PPIL2: variants seen among roughly 807,000 people sequenced by gnomAD.
PPIL2 encodes peptidylprolyl isomerase like 2.
PPIL2 carries 50 observed loss-of-function variants against 75.2 expected under a neutral mutation model. The ratio of observed to expected loss-of-function variants is 0.66; its 90% confidence interval spans 0.53 to 0.84. PPIL2 has a LOEUF of 0.84. PPIL2 is among the 40% of genes least tolerant of loss of function. The pLI is 0.00. For synonymous variants in PPIL2, 245 were observed against 258.8 expected (o/e 0.95, Z 0.51); for missense variants, 590 against 685.0 (o/e 0.86, Z 1.55).
intron 15 of PPIL2, among the ~76,000 whole-genome samples, chr22:21,691,596 C>T (rs1174625444): frequency 2.6e-5 from 4 of 151,856 alleles, no homozygotes; most frequent in African/African-American, 7.3e-5. Context: ...AGGAGAATGG[C>T]GTGAACCCAG....
At chr22:21,676,003 G>A (rs1170734384) in intron 6 of PPIL2, among the ~76,000 whole-genome samples, 3 of 152,240 alleles carry the variant, frequency 2.0e-5, no homozygotes, top group Non-Finnish European at 4.4e-5. Context: ...TGCCTGTGGA[G>A]ATGCTATGGC....
chr22:21,695,740 G>A lies in PPIL2; in HGVS notation c.*250G>A. On this transcript the variant is annotated 3_prime_UTR_variant, in exon 20 of 20. Transcript: ENST00000398831. The stretch of plus-strand genomic sequence containing the variant: ...CCACTGCTGGGACCTTCAAGCACAA[G>A]GCCTGCCCTACACCCAGGCTGGTGC... The A allele has an allele frequency of 7.6e-7, 1 of 1,321,570 alleles. No homozygotes were observed. The highest frequency in any genetic ancestry group is 9.7e-7 in the Non-Finnish European group (1 of 1,027,978). 81.9% of individuals were successfully genotyped at this position (1,321,570 alleles called of 1,614,324 possible).
intron 14 of PPIL2, among the ~76,000 whole-genome samples, 185 bp from the exon 15 acceptor site, chr22:21,688,547 T>C (rs1380998417): frequency 2.0e-5 from 3 of 152,180 alleles, no homozygotes; most frequent in Non-Finnish European, 4.4e-5. Flanking sequence ...GCCTGCCTGT[T>C]TGGAGGCGTG....
At chr22:21,693,037 C>G (rs2067748171) in intron 15 of PPIL2, among the ~76,000 whole-genome samples, 1 of 151,710 alleles carries the variant, frequency 6.6e-6, no homozygotes, top group Non-Finnish European at 1.5e-5. Context: ...TGTTTTAATT[C>G]CACCCCATTT....
rs2068000187 is a variant in PPIL2, at chr22:21,697,887, A to AAT, written c.*2398_*2399dup. ...AACGACCTGATGAGGGCATCAGGTAAATTAAAGGATTTTGGGAAGATTCTT... is the reference window on the plus strand; with the variant it reads ...AACGACCTGATGAGGGCATCAGGTAAATATTAAAGGATTTTGGGAAGATTCTT... On this transcript the variant is annotated 3_prime_UTR_variant, in exon 20 of 20. Coordinates refer to ENST00000398831, the MANE Select transcript of PPIL2 (RefSeq NM_014337.4). 1 of 152,278 alleles carries AAT rather than the reference A, an allele frequency of 6.6e-6. No individual in the cohort carries two copies. The highest frequency in any genetic ancestry group is 2.4e-5 in the African/African-American group (1 of 41,378). 9.4% of individuals were successfully genotyped at this position (152,278 alleles called of 1,614,324 possible). A position where few individuals can be genotyped will look rare whatever the true frequency, so the allele number is the denominator to read the frequency against.
Position 21,686,194 on chromosome 22 carries a change from G to A in PPIL2, c.715-289G>A, listed in dbSNP as rs192539607. Among the ~76,000 whole-genome samples, 158 of 152,240 alleles carry A rather than the reference G, an allele frequency of 1.0e-3. 1 individual carries two copies. The highest frequency in any genetic ancestry group is 3.7e-3 in the African/African-American group (153 of 41,542). ...AAATTAAAATAAAAATAAATGAGAA[G>A]TCAGCCATACACTCCTAACCCTGAG... On this transcript the variant is annotated intron_variant, in intron 10 of 19. Transcript: ENST00000398831.
intron 11 of PPIL2, 138 bp downstream of exon 11, chr22:21,686,696 C>A (rs1255060993): frequency 1.9e-6 from 2 of 1,060,354 alleles, no homozygotes; most frequent in African/African-American, 3.1e-5. Flanking sequence ...CCCCTCTTAG[C>A]TGCTGAACCC....
Position 21,694,657 on chromosome 22 carries a change from C to A in PPIL2, c.1261C>A (p.Arg421Ser), listed in dbSNP as rs200704017. 19 of 1,613,988 alleles carry A rather than the reference C, an allele frequency of 1.2e-5. No individual in the cohort carries two copies. Among genetic ancestry groups the A allele is most frequent in the Non-Finnish European group, 1.4e-5 (16 of 1,180,036 alleles). ...TGTGGAGAGTGACCCCAAAACTGAC[C>A]GCCCTAAGGTCTGTGCCCAGGGAGG... ...ENVESDPKTD[R>S]PKEEIRIDAT... The change falls in exon 17 of 20, where the codon CGC (arginine) becomes AGC (serine). Residue 421 changes from arginine to serine, a missense_variant. Coordinates refer to ENST00000398831, the MANE Select transcript of PPIL2 (RefSeq NM_014337.4).
chr22:21,686,822 C>T (rs1331365968), intron 11 of PPIL2, 70 bp from the exon 12 acceptor site: 20 of 1,431,234 alleles, frequency 1.4e-5, no homozygotes, highest in Middle Eastern at 2.0e-4. Context: ...TGTCTGAGGT[C>T]GGTGCTGCCT....
chr22:21,684,218 C>G (rs952677696), intron 9 of PPIL2, among the ~76,000 whole-genome samples: 22 of 142,454 alleles, frequency 1.5e-4, no homozygotes, highest in African/African-American at 5.8e-4. Flanking sequence ...AAAGGCTGGG[C>G]GCGGTGGGTC....
intron 19 of PPIL2, 156 bp from the exon 20 acceptor site, chr22:21,695,238 G>T: frequency 1.5e-6 from 2 of 1,324,682 alleles, no homozygotes; most frequent in Non-Finnish European, 2.0e-6. Flanking sequence ...AGGCCTGGCC[G>T]GGGCCTCTGT....
Position 21,682,432 on chromosome 22 carries a change from T to G in PPIL2, c.388-5T>G. ...CATCGTAAAACCACTTCCTCCTGGCTATAGGCAGTGGAACAGCTAAATATC... is the reference window on the plus strand; with the variant it reads ...CATCGTAAAACCACTTCCTCCTGGCGATAGGCAGTGGAACAGCTAAATATC... On this transcript the variant is annotated splice_polypyrimidine_tract_variant and splice_region_variant and intron_variant, in intron 7 of 19. Transcript: ENST00000398831. 1 of 1,612,954 alleles carries G rather than the reference T, an allele frequency of 6.2e-7. No individual in the cohort carries two copies. The highest frequency in any genetic ancestry group is 2.2e-5 in the East Asian group (1 of 44,882).
intron 9 of PPIL2, 26 bp from the exon 10 acceptor site, chr22:21,684,727 C>T: frequency 6.2e-7 from 1 of 1,611,788 alleles, no homozygotes; most frequent in Admixed American, 1.7e-5. Context: ...GGCTCGGCGG[C>T]TCAGGGCCAT....
intron 6 of PPIL2, among the ~76,000 whole-genome samples, chr22:21,680,829 CAAAA>C (rs762340467): frequency 2.8e-4 from 14 of 50,818 alleles, no homozygotes; most frequent in Non-Finnish European, 4.4e-4. Context: ...GACTCCATCT[CAAAA>C]AAAAAAAAAA....
chr22:21,675,012 G>A (rs1311516263), intron 5 of PPIL2, 52 bp from the exon 6 acceptor site: 15 of 1,485,816 alleles, frequency 1.0e-5, no homozygotes, highest in East Asian at 2.3e-5. Context: ...TAGCATCTCT[G>A]TGCATCAGTT....
chr22:21,676,507 C>G (rs919297450), intron 6 of PPIL2, among the ~76,000 whole-genome samples: 2 of 151,574 alleles, frequency 1.3e-5, no homozygotes, highest in African/African-American at 2.4e-5. Flanking sequence ...GAGGACCCTG[C>G]GGCCTTCTGC....
intron 13 of PPIL2, 58 bp downstream of exon 13, chr22:21,687,790 G>C (rs741617): frequency 1.4e-5 from 21 of 1,531,930 alleles, no homozygotes; most frequent in Non-Finnish European, 1.8e-5. Context: ...CGGGGGCTGG[G>C]TGGGCTTGTC....
rs767491768 is a variant in PPIL2 at position 21,682,383 on chromosome 22, C to G, written c.388-54C>G. ...GCTCCAGGCCTCCCTGCTTGCAGTC[C>G]CCTGTGCCAAGGCTTGGGGCAGGCA... is the stretch of plus-strand genomic sequence containing the variant. On this transcript the variant is annotated intron_variant, in intron 7 of 19. Coordinates refer to ENST00000398831, the MANE Select transcript of PPIL2 (RefSeq NM_014337.4). 12 of 1,495,150 alleles carry G rather than the reference C, an allele frequency of 8.0e-6. No individual in the cohort carries two copies. The Admixed American group carries it at 1.3e-4, about 17-fold the overall frequency. 92.6% of individuals were successfully genotyped at this position (1,495,150 alleles called of 1,614,324 possible).
intron 1 of PPIL2, 110 bp from the exon 2 acceptor site, chr22:21,669,802 TA>T: frequency 1.7e-6 from 2 of 1,152,292 alleles, no homozygotes; most frequent in Non-Finnish European, 2.6e-6. Context: ...GCCCGCCCCA[TA>T]GTAGGTATTT....
Sources: gnomAD v4.1 joint callset for allele counts (sites outside exome capture counted in the v4.1 genomes callset) on GRCh38, gnomAD v4.1.1 for gene constraint, MANE v1.5 for transcripts, NCBI Gene and HGNC (gene_info 2026-07-23, HGNC 2026-07-21) for gene names.